ZDHHC23: variants seen among roughly 807,000 people sequenced by gnomAD.
The protein encoded by ZDHHC23 is zDHHC palmitoyltransferase 23, also known as palmitoyltransferase ZDHHC23.
Under a neutral mutation model 40.2 loss-of-function variants are expected in ZDHHC23, and 41 were observed. That is an observed-to-expected ratio of 1.02 (90% CI 0.79 to 1.32). The LOEUF (loss-of-function observed/expected upper bound fraction) is 1.32. Among genes scored for constraint, ZDHHC23 ranks in the 40% most tolerant of loss-of-function variants. The pLI is 0.00. For synonymous variants in ZDHHC23, 204 were observed against 210.2 expected, an observed-to-expected ratio of 0.97 and a Z score of 0.26; for missense variants, 471 against 541.5, an observed-to-expected ratio of 0.87 and a Z score of 1.29.
rs1939432767 is a variant in ZDHHC23 at position 113,958,373 on chromosome 3, T to C, written c.1051T>C (p.Ser351Pro). The change falls in exon 5 of 5, where the codon TCC becomes CCC. Residue 351 changes from serine to proline, a missense_variant. By Grantham distance (74) the Ser-to-Pro change is moderately conservative (BLOSUM62 -1). Around this residue, in one of 3 missense-constraint regions of ZDHHC23, gnomAD observed 346 missense variants for 399.8 expected, o/e 0.87. Coordinates refer to ENST00000638807, the MANE Select transcript of ZDHHC23 (RefSeq NM_001320466.2). ...GVYANYSSAL[S>P]FTCVWYSVII... ...TTTTCCCTCTCCTAGCTCGGCTCTG[T>C]CCTTCACCTGCGTGTGGTACTCTGT... is the stretch of plus-strand genomic sequence containing the variant. The C allele has an allele frequency of 1.2e-6, 2 of 1,612,788 alleles. No individual in the cohort carries two copies. Among genetic ancestry groups the C allele is most frequent in the African/African-American group, 1.3e-5 (1 of 75,022 alleles).
At chr3:113,957,514 C>G (rs1213750343) in intron 4 of ZDHHC23, 1 of 369,508 alleles carries the variant, frequency 2.7e-6, no homozygotes, top group African/African-American at 2.1e-5. Flanking sequence ...CACAGCATGT[C>G]TGTGCACTCT....
downstream of ZDHHC23, among the ~76,000 whole-genome samples, chr3:113,968,750 A>G (rs1450620649): frequency 6.6e-6 from 1 of 151,874 alleles, no homozygotes; most frequent in African/African-American, 2.4e-5. Flanking sequence ...GTGAGCCACT[A>G]TAATGGACTT....
chr3:113,975,464 T>C, the ZDHHC23 span, among the ~76,000 whole-genome samples: 1 of 152,238 alleles, frequency 6.6e-6, no homozygotes, highest in African/African-American at 2.4e-5. Context: ...ATTAGTGTCA[T>C]TCCTGCAATA....
chr3:113,949,431 C>G (rs1466998784), intron 2 of ZDHHC23, among the ~76,000 whole-genome samples: 2 of 152,178 alleles, frequency 1.3e-5, no homozygotes, highest in African/African-American at 4.8e-5. Flanking sequence ...GGTCTTGCCC[C>G]TTGTTTCTGG....
At chr3:113,973,554 T>G in the ZDHHC23 span, among the ~76,000 whole-genome samples, 15 of 152,166 alleles carry the variant, frequency 9.9e-5, no homozygotes, top group Admixed American at 4.6e-4. Context: ...TCCTTCATAT[T>G]TGAAAGATGG....
chr3:113,973,667 C>T, the ZDHHC23 span, among the ~76,000 whole-genome samples: 5 of 150,662 alleles, frequency 3.3e-5, no homozygotes, highest in Non-Finnish European at 5.9e-5. Flanking sequence ...TATACCGTTT[C>T]TGCTGAGAAG....
Position 113,958,482 on chromosome 3 carries a change from A to G in ZDHHC23, c.1160A>G (p.Gln387Arg). The G allele has an allele frequency of 6.2e-7, 1 of 1,614,138 alleles. No individual in the cohort carries two copies. The highest frequency in any genetic ancestry group is 8.5e-7 in the Non-Finnish European group (1 of 1,180,030). The part of the protein sequence containing the change: ...SYNVTEREVQ[Q>R]ALRQKTGRRL... The stretch of plus-strand genomic sequence containing the variant: ...AATGTGACTGAGCGGGAAGTCCAGC[A>G]GGCCCTCCGACAGAAGACTGGGCGC... The change falls in exon 5 of 5, where the codon CAG becomes CGG. Residue 387 changes from glutamine (Q) to arginine (R), a missense_variant. Coordinates refer to ENST00000638807, the MANE Select transcript of ZDHHC23 (RefSeq NM_001320466.2).
In ZDHHC23 at chr3:113,960,003, G is replaced by C. The variant is rs1939576185; in HGVS notation, c.*1373G>C. The C allele has an allele frequency of 1.0e-6, 1 of 992,124 alleles. No homozygotes were observed. The highest frequency in any genetic ancestry group is 4.5e-5 in the South Asian group (1 of 22,004). 61.5% of individuals were successfully genotyped at this position (992,124 alleles called of 1,614,324 possible). A position where few individuals can be genotyped will look rare whatever the true frequency, so the allele number is the denominator to read the frequency against. On this transcript the variant is annotated 3_prime_UTR_variant, in exon 5 of 5. Coordinates refer to ENST00000638807, the MANE Select transcript of ZDHHC23 (RefSeq NM_001320466.2). ...TTTCAGATGAGGAAAATACCCTTTT[G>C]AAATGTTAGTTTTGAACATGTACTG...
the ZDHHC23 span, chr3:113,979,120 G>A: frequency 9.5e-5 from 92 of 971,652 alleles, no homozygotes; most frequent in East Asian, 1.9e-3. Flanking sequence ...AGTCGGTAGA[G>A]AATAATCTGA....
At chr3:113,967,419 CTCTT>C (rs1284583800), downstream of ZDHHC23, among the ~76,000 whole-genome samples, 9 of 152,246 alleles carry the variant, frequency 5.9e-5, no homozygotes, top group South Asian at 1.0e-3. Context: ...CCCTACATTT[CTCTT>C]TCTTTCCCTG....
chr3:113,978,539 A>G, the ZDHHC23 span: 3 of 612,440 alleles, frequency 4.9e-6, no homozygotes, highest in Non-Finnish European at 8.4e-6. Context: ...AGAAACAGTT[A>G]TAAGATTGAA....
chr3:113,966,529 C>T (rs1476404181), downstream of ZDHHC23, among the ~76,000 whole-genome samples: 1 of 152,116 alleles, frequency 6.6e-6, no homozygotes. Context: ...GAATTTTTGT[C>T]AGGCAAAGAA....
At chr3:113,968,046 C>CA (rs1940393386), downstream of ZDHHC23, among the ~76,000 whole-genome samples, 1 of 152,136 alleles carries the variant, frequency 6.6e-6, no homozygotes, top group South Asian at 2.1e-4. Context: ...GATGGGTGCT[C>CA]AGGTTGATTC....
downstream of ZDHHC23, chr3:113,965,022 A>G (rs1939966585): frequency 6.2e-6 from 3 of 485,138 alleles, no homozygotes; most frequent in Non-Finnish European, 1.1e-5. Context: ...AAATTCTCAA[A>G]ATAATTCCTT....
intron 4 of ZDHHC23, among the ~76,000 whole-genome samples, chr3:113,958,014 C>T (rs1445398948): frequency 1.3e-5 from 2 of 152,136 alleles, no homozygotes; most frequent in African/African-American, 2.4e-5. Context: ...TTTGTTTTCT[C>T]ATGAGTTAGA....
At chr3:113,966,036 C>T (rs141677538), downstream of ZDHHC23, among the ~76,000 whole-genome samples, 1 of 152,210 alleles carries the variant, frequency 6.6e-6, no homozygotes, top group African/African-American at 2.4e-5. Context: ...GTACCCATGC[C>T]AGGACCAGTG....
the ZDHHC23 span, chr3:113,978,142 T>C: frequency 6.2e-7 from 1 of 1,606,502 alleles, no homozygotes; most frequent in Non-Finnish European, 8.5e-7. Flanking sequence ...TGCTGAGCAA[T>C]TGTGAAGTCA....
chr3:113,957,058 A>G (rs1459583685), intron 4 of ZDHHC23, among the ~76,000 whole-genome samples: 1 of 152,076 alleles, frequency 6.6e-6, no homozygotes, highest in Non-Finnish European at 1.5e-5. Context: ...TTACTGTGAT[A>G]TGTAGGTCAA....
chr3:113,978,302 TCTTA>T, the ZDHHC23 span: 2 of 1,613,960 alleles, frequency 1.2e-6, no homozygotes, highest in Non-Finnish European at 1.7e-6. Context: ...CACAAAATTT[TCTTA>T]CTTCTTCCTG....
Sources: allele counts gnomAD v4.1 joint callset (sites outside exome capture counted in the v4.1 genomes callset), GRCh38; gene constraint gnomAD v4.1.1; regional missense constraint gnomAD v4.1.1; transcripts MANE v1.5; gene names NCBI Gene and HGNC (gene_info 2026-07-23, HGNC 2026-07-21).